ABCC1: variants seen among roughly 807,000 people sequenced by gnomAD.
ABCC1 encodes the protein multidrug resistance-associated protein 1.
ABCC1 carries 83 observed loss-of-function variants against 172.9 expected under a neutral mutation model. The observed-to-expected ratio is 0.48, with a 90% CI of 0.40 to 0.58. The LOEUF (loss-of-function observed/expected upper bound fraction) is 0.58. ABCC1 is among the 20% of genes least tolerant of loss of function. The pLI is 0.00. For synonymous variants in ABCC1, 937 were observed against 825.2 expected (o/e 1.14, Z -2.32); for missense variants, 1,817 against 2,002.7 (o/e 0.91, Z 1.77).
At chr16:15,979,747 A>G (rs1002328475) in intron 1 of ABCC1, among the ~76,000 whole-genome samples, 7 of 152,074 alleles carry the variant, frequency 4.6e-5, no homozygotes, top group Admixed American at 2.0e-4. Flanking sequence ...CAGAGTGACT[A>G]TATTCAATAT....
In ABCC1 at chr16:15,954,970, C is replaced by T. The variant is rs147684669; in HGVS notation, c.48+5171C>T. Reference sequence around the variant, plus strand: ...ATTCCTATCACATCTGTCAGCAAATCGTGTTGCCCGTTGCCTCAAACGGGC... The same window carrying T: ...ATTCCTATCACATCTGTCAGCAAATTGTGTTGCCCGTTGCCTCAAACGGGC... On this transcript the variant is annotated intron_variant, in intron 1 of 30. Transcript: ENST00000399410. Among the ~76,000 whole-genome samples the T allele has an allele frequency of 2.7e-4, 41 of 152,274 alleles. No individual in the cohort carries two copies. The East Asian group carries it at 4.2e-3, about 16-fold the overall frequency.
chr16:16,050,885 C>T (rs1002471996), intron 10 of ABCC1, among the ~76,000 whole-genome samples: 1 of 151,494 alleles, frequency 6.6e-6, no homozygotes, highest in South Asian at 2.1e-4. Flanking sequence ...ACCTGGGTGA[C>T]AAGGCAAGAC....
In ABCC1 at chr16:15,978,580, A is replaced by G. The variant is rs929911775; in HGVS notation, c.48+28781A>G. Among the ~76,000 whole-genome samples the G allele has an allele frequency of 5.3e-5, 8 of 152,126 alleles. No individual in the cohort carries two copies. In the South Asian group the frequency reaches 6.2e-4, roughly 12 times the overall value. ...AATCGTATCTTATATTCAAGATTCTAAGCTTTCTGAGGGCAGGATATAAAT... is the reference window on the plus strand; with the variant it reads ...AATCGTATCTTATATTCAAGATTCTGAGCTTTCTGAGGGCAGGATATAAAT... On this transcript the variant is annotated intron_variant, in intron 1 of 30. Coordinates refer to ENST00000399410, the MANE Select transcript of ABCC1 (RefSeq NM_004996.4).
intron 20 of ABCC1, 83 bp downstream of exon 20, chr16:16,102,800 GCCCC>G: frequency 7.5e-7 from 1 of 1,326,824 alleles, no homozygotes; most frequent in Non-Finnish European, 1.0e-6. Context: ...AAAGGCCTCA[GCCCC>G]CTGAGGTCCT....
At chr16:15,949,548 C>T (rs2045806130), upstream of ABCC1, 1 of 156,274 alleles carries the variant, frequency 6.4e-6, no homozygotes, top group Admixed American at 6.8e-5. Context: ...TGGGGCGGGG[C>T]CGCCGCATCC....
In ABCC1 at chr16:16,134,482, C is replaced by A. The variant is rs545747943; in HGVS notation, c.4099C>A (p.Arg1367Ser). 6.2e-7 allele frequency: 1 copy of A among 1,614,054 alleles called. No individual in the cohort carries two copies. Among genetic ancestry groups the A allele is most frequent in the Non-Finnish European group, 8.5e-7 (1 of 1,180,056 alleles). Residue 1367 changes from arginine (R) to serine (S), a missense_variant, in exon 28 of 31, where the codon CGC becomes AGC. Arg to Ser is a moderately radical substitution (Grantham distance 110). Around this residue, in one of 3 missense-constraint regions of ABCC1, gnomAD observed 1,412 missense variants for 1,600.3 expected, o/e 0.88. Coordinates refer to ENST00000399410, the MANE Select transcript of ABCC1 (RefSeq NM_004996.4). ...NIAKIGLHDL[R>S]FKITIIPQDP... ...CGCCAAGATCGGCCTGCACGACCTC[C>A]GCTTCAAGATCACCATCATCCCCCA...
chr16:16,135,096 C>T (rs975990941), intron 28 of ABCC1, among the ~76,000 whole-genome samples: 4 of 152,212 alleles, frequency 2.6e-5, no homozygotes, highest in South Asian at 4.1e-4. Context: ...CAAAAAGACA[C>T]CGTCTTCTCT....
At chr16:16,005,462 C>A (rs897392894) in intron 1 of ABCC1, among the ~76,000 whole-genome samples, 1 of 152,020 alleles carries the variant, frequency 6.6e-6, no homozygotes, top group Non-Finnish European at 1.5e-5. Context: ...ATTCCCCTGC[C>A]TCAGCCTCCC....
In ABCC1 at chr16:15,949,645, C is replaced by T. The variant is rs2045814909; in HGVS notation, c.-107C>T. The T allele has an allele frequency of 2.6e-6, 2 of 778,292 alleles. 1 individual carries two copies. 48.2% of individuals were successfully genotyped at this position (778,292 alleles called of 1,614,324 possible). A position where few individuals can be genotyped will look rare whatever the true frequency, so the allele number is the denominator to read the frequency against. On this transcript the variant is annotated 5_prime_UTR_variant, in exon 1 of 31. Coordinates refer to ENST00000399410, the MANE Select transcript of ABCC1 (RefSeq NM_004996.4). ...CCGCCGCCGCCGCCAGCGCTAGCGC[C>T]AGCAGCCGGGCCCGATCACCCGCCG...
At chr16:16,123,008 C>T (rs1438284986) in intron 24 of ABCC1, among the ~76,000 whole-genome samples, 2 of 152,154 alleles carry the variant, frequency 1.3e-5, no homozygotes, top group Non-Finnish European at 2.9e-5. Context: ...GTGTCCCTCT[C>T]ACCCATTTGC....
chr16:15,979,309 CAAAAAAAA>C, intron 1 of ABCC1, among the ~76,000 whole-genome samples: 2 of 150,122 alleles, frequency 1.3e-5, no homozygotes, highest in South Asian at 4.2e-4. Flanking sequence ...AACAAACAAA[CAAAAAAAA>C]AACAAAATTT....
At chr16:16,030,983 G>A (rs1243786711) in intron 5 of ABCC1, among the ~76,000 whole-genome samples, 1 of 152,054 alleles carries the variant, frequency 6.6e-6, no homozygotes, top group Non-Finnish European at 1.5e-5. Context: ...GAGTAGCTGA[G>A]CTTGCAGGCA....
intron 1 of ABCC1, among the ~76,000 whole-genome samples, chr16:15,996,016 A>G (rs1358889658): frequency 8.9e-6 from 1 of 111,942 alleles, no homozygotes; most frequent in African/African-American, 3.6e-5. Context: ...ATGCAGTCTC[A>G]CTCTTTTGTC....
chr16:16,029,758 G>A (rs1345330509), intron 5 of ABCC1, among the ~76,000 whole-genome samples: 2 of 152,204 alleles, frequency 1.3e-5, no homozygotes, highest in Admixed American at 1.3e-4. Context: ...GCTCATGCCT[G>A]TAATTCCAGC....
intron 1 of ABCC1, among the ~76,000 whole-genome samples, chr16:15,975,663 T>C (rs754481755): frequency 2.6e-5 from 4 of 151,880 alleles, no homozygotes; most frequent in African/African-American, 4.8e-5. Context: ...TTCAAACGAT[T>C]CTCCTTCCTC....
intron 5 of ABCC1, among the ~76,000 whole-genome samples, chr16:16,025,420 G>A (rs1401641608): frequency 6.6e-6 from 1 of 152,148 alleles, no homozygotes; most frequent in Non-Finnish European, 1.5e-5. Flanking sequence ...GAGCATCTGC[G>A]GTTCCCAACA....
chr16:16,076,393 A>C lies in ABCC1; in HGVS notation c.1980A>C (p.Thr660=), dbSNP rs776069997. The C allele has an allele frequency of 5.0e-6, 8 of 1,608,386 alleles. No individual in the cohort carries two copies. The highest frequency in any genetic ancestry group is 6.8e-6 in the Non-Finnish European group (8 of 1,177,726). Residue 660 remains threonine, a synonymous_variant, in exon 15 of 31, where the codon ACA becomes ACC. Coordinates refer to ENST00000399410, the MANE Select transcript of ABCC1 (RefSeq NM_004996.4). ...CCTGGGCCAGGAGCGACCCTCCCAC[A>C]CTGAATGGGTAAGCCGGGACGTGGA... is the stretch of plus-strand genomic sequence containing the variant. ...TFTWARSDPP[T]LNGITFSIPE... is the part of the protein sequence containing the mutation.
At chr16:15,961,744 A>G (rs149924734) in intron 1 of ABCC1, among the ~76,000 whole-genome samples, 2 of 150,100 alleles carry the variant, frequency 1.3e-5, no homozygotes, top group African/African-American at 4.9e-5. Flanking sequence ...GCCCATGCAA[A>G]TTGAAAGTAA....
intron 5 of ABCC1, among the ~76,000 whole-genome samples, chr16:16,024,683 G>A (rs1194791827): frequency 6.6e-6 from 1 of 152,164 alleles, no homozygotes; most frequent in Non-Finnish European, 1.5e-5. Context: ...CCCTACTGTG[G>A]TGGGAGCTGA....
Sources: gnomAD v4.1 joint callset for allele counts (sites outside exome capture counted in the v4.1 genomes callset) on GRCh38, gnomAD v4.1.1 for gene constraint, gnomAD v4.1.1 regional missense constraint, MANE v1.5 for transcripts, NCBI Gene and HGNC (gene_info 2026-07-23, HGNC 2026-07-21) for gene names.